The following HIBADH variants were observed in gnomAD, a reference collection of about 807,000 sequenced individuals.
HIBADH encodes the protein 3-hydroxyisobutyrate dehydrogenase, mitochondrial.
In HIBADH, 25 loss-of-function variants were observed where a neutral mutation model predicts 36.1. The observed-to-expected ratio is 0.69, with a 90% confidence interval of 0.50 to 0.97. The LOEUF (loss-of-function observed/expected upper bound fraction) is 0.97. HIBADH is among the 50% of genes least tolerant of loss of function. The probability of loss-of-function intolerance (pLI) is 0.00; values close to 1 mark genes in which losing one functional copy is unlikely to be tolerated. For synonymous variants in HIBADH, 160 were observed against 149.5 expected (o/e 1.07, Z -0.51); for missense variants, 421 against 418.0 (o/e 1.01, Z -0.06).
At chr7:27,548,595 A>G (rs969700773) in intron 4 of HIBADH, among the ~76,000 whole-genome samples, 1 of 152,194 alleles carries the variant, frequency 6.6e-6, no homozygotes. Flanking sequence ...ACGAGTAAAC[A>G]TATTTGCTGA....
At chr7:27,556,976 C>A (rs1159935253) in intron 4 of HIBADH, among the ~76,000 whole-genome samples, 1 of 151,892 alleles carries the variant, frequency 6.6e-6, no homozygotes, top group Non-Finnish European at 1.5e-5. Context: ...CCTGTCTTGA[C>A]AAAAATTTTT....
chr7:27,541,486 T>A (rs1013838703), intron 5 of HIBADH, among the ~76,000 whole-genome samples: 9 of 152,184 alleles, frequency 5.9e-5, no homozygotes, highest in African/African-American at 1.9e-4. Flanking sequence ...TAAAAAGATG[T>A]TCTGCAAAAA....
intron 2 of HIBADH, among the ~76,000 whole-genome samples, chr7:27,635,085 CATGTGT>C (rs1475263333): frequency 2.9e-5 from 2 of 67,880 alleles, no homozygotes; most frequent in African/African-American, 1.6e-4. Context: ...TCTCTCTGTG[CATGTGT>C]GTGTGTGTGT....
At chr7:27,605,669 ATTTCAT>A (rs1785212152) in intron 4 of HIBADH, among the ~76,000 whole-genome samples, 1 of 150,470 alleles carries the variant, frequency 6.6e-6, no homozygotes, top group Non-Finnish European at 1.5e-5. Flanking sequence ...CCCTCCAAAT[ATTTCAT>A]TTTCATTTAC....
In HIBADH at chr7:27,656,624, CG is replaced by C. The variant is rs1036536898; in HGVS notation, c.91+6073del. Among the ~76,000 whole-genome samples, 116 of 152,236 alleles carry C rather than the reference CG, an allele frequency of 7.6e-4. 2 individuals are homozygous for C. Among genetic ancestry groups the C allele is most frequent in the African/African-American group, 2.6e-3 (107 of 41,534 alleles). On this transcript the variant is annotated intron_variant, in intron 1 of 7. Transcript: ENST00000265395. The stretch of plus-strand genomic sequence containing the variant: ...TTCTGATTTTCTGTATGGATACACA[CG>C]AAACAGTACTTACACCTGGAGAGTT...
intron 4 of HIBADH, among the ~76,000 whole-genome samples, chr7:27,571,911 A>G (rs1042099267): frequency 1.3e-5 from 2 of 152,194 alleles, no homozygotes; most frequent in African/African-American, 4.8e-5. Flanking sequence ...AGGAGAAACT[A>G]ATATACTTTA....
chr7:27,582,051 G>T (rs1355934658), intron 4 of HIBADH, among the ~76,000 whole-genome samples: 2 of 152,080 alleles, frequency 1.3e-5, no homozygotes, highest in African/African-American at 4.8e-5. Context: ...AGGCCAAAAA[G>T]ACTTCATGCT....
intron 4 of HIBADH, among the ~76,000 whole-genome samples, chr7:27,618,083 C>G (rs1339266779): frequency 6.6e-6 from 1 of 152,202 alleles, no homozygotes; most frequent in East Asian, 1.9e-4. Flanking sequence ...CTGTGCTTGG[C>G]TTTGCAAAGG....
chr7:27,631,394 A>G (rs1785743383), intron 3 of HIBADH, among the ~76,000 whole-genome samples: 1 of 152,214 alleles, frequency 6.6e-6, no homozygotes, highest in African/African-American at 2.4e-5. Context: ...TTTCCAACAC[A>G]ATTCAATTAC....
At chr7:27,594,188 G>A (rs540332697) in intron 4 of HIBADH, among the ~76,000 whole-genome samples, 17 of 144,014 alleles carry the variant, frequency 1.2e-4, no homozygotes, top group Admixed American at 2.1e-4. Flanking sequence ...TCGTTGCCCC[G>A]GCTGGAGTGC....
intron 4 of HIBADH, among the ~76,000 whole-genome samples, chr7:27,597,220 A>C (rs1785046277): frequency 6.6e-6 from 1 of 152,200 alleles, no homozygotes; most frequent in Admixed American, 6.5e-5. Flanking sequence ...ATAATCTGTA[A>C]GATGACAGAA....
Position 27,662,836 on chromosome 7 carries a change from G to A in HIBADH, c.-48C>T, listed in dbSNP as rs1287073116. Reference sequence around the variant, plus strand: ...CGGTGACCTCCGCCGCCTCCCGGAGGGCCCACAGACTGCGAGCGTGTGCAG... The same window carrying A: ...CGGTGACCTCCGCCGCCTCCCGGAGAGCCCACAGACTGCGAGCGTGTGCAG... On this transcript the variant is annotated 5_prime_UTR_variant, in exon 1 of 8. Coordinates refer to ENST00000265395, the MANE Select transcript of HIBADH (RefSeq NM_152740.4). 4 of 1,393,942 alleles carry A rather than the reference G, an allele frequency of 2.9e-6. No homozygotes were observed. Among genetic ancestry groups the A allele is most frequent in the Admixed American group, 2.7e-5 (1 of 36,630 alleles). The allele number at this position is 1,393,942 out of a possible 1,614,324, so 86.3% of individuals were successfully genotyped here.
intron 4 of HIBADH, among the ~76,000 whole-genome samples, chr7:27,597,925 T>A (rs1785057986): frequency 1.3e-5 from 2 of 152,222 alleles, no homozygotes; most frequent in Admixed American, 1.3e-4. Context: ...GTTCAGGCTA[T>A]AAATTTACTC....
At chr7:27,550,302 G>T (rs1784300994) in intron 4 of HIBADH, among the ~76,000 whole-genome samples, 1 of 152,082 alleles carries the variant, frequency 6.6e-6, no homozygotes, top group Admixed American at 6.5e-5. Flanking sequence ...CAGCAAAAAG[G>T]AGAACTACAT....
intron 2 of HIBADH, among the ~76,000 whole-genome samples, chr7:27,640,207 C>T (rs908484503): frequency 2.0e-5 from 3 of 152,150 alleles, no homozygotes; most frequent in African/African-American, 4.8e-5. Flanking sequence ...TGTTAAACAA[C>T]TTAGGAACTG....
chr7:27,627,242 T>C (rs1785664418), intron 4 of HIBADH, among the ~76,000 whole-genome samples: 1 of 152,188 alleles, frequency 6.6e-6, no homozygotes, highest in Non-Finnish European at 1.5e-5. Flanking sequence ...TCCAGCAGAA[T>C]GGCTGAAGCC....
At chr7:27,622,240 AT>A (rs200317072) in intron 4 of HIBADH, among the ~76,000 whole-genome samples, 6 of 151,736 alleles carry the variant, frequency 4.0e-5, no homozygotes, top group Non-Finnish European at 7.4e-5. Flanking sequence ...GCAAGAGCCT[AT>A]TTTTTTTTAA....
chr7:27,631,649 G>A (rs1785748163), intron 3 of HIBADH, among the ~76,000 whole-genome samples: 1 of 152,204 alleles, frequency 6.6e-6, no homozygotes, highest in Non-Finnish European at 1.5e-5. Context: ...CAGAGCCAGG[G>A]AAGACAGGCA....
At chr7:27,616,797 TA>T (rs34552407) in intron 4 of HIBADH, among the ~76,000 whole-genome samples, 9,959 of 150,322 alleles carry the variant, frequency 0.066, 450 homozygotes, top group African/African-American at 0.13. Flanking sequence ...AGTTAAAAGG[TA>T]AAAAAAAAAA....
Sources: gnomAD v4.1 joint callset for allele counts (sites outside exome capture counted in the v4.1 genomes callset) on GRCh38, gnomAD v4.1.1 for gene constraint, MANE v1.5 for transcripts, NCBI Gene and HGNC (gene_info 2026-07-23, HGNC 2026-07-21) for gene names.